The following MCC variants were observed in gnomAD, a reference collection of about 807,000 sequenced individuals.
MCC encodes colorectal mutant cancer protein.
In MCC, 90 loss-of-function variants were observed where a neutral mutation model predicts 116.2. The ratio of observed to expected loss-of-function variants is 0.77; its 90% CI spans 0.65 to 0.92. MCC has a LOEUF of 0.92. MCC is among the 40% of genes least tolerant of loss of function. The probability of loss-of-function intolerance (pLI) is 0.00; values close to 1 mark genes in which losing one functional copy is unlikely to be tolerated. For synonymous variants in MCC, 578 were observed against 510.5 expected (o/e 1.13, Z -1.78); for missense variants, 1,516 against 1,312.2 (o/e 1.16, Z -2.40).
intron 1 of MCC, among the ~76,000 whole-genome samples, chr5:113,465,445 A>G (rs944402600): frequency 2.6e-5 from 4 of 152,144 alleles, no homozygotes; most frequent in Non-Finnish European, 5.9e-5. Flanking sequence ...AATAATGTCA[A>G]TATTTATCTA....
At chr5:113,263,873 G>C (rs538257694) in intron 3 of MCC, among the ~76,000 whole-genome samples, 4 of 149,032 alleles carry the variant, frequency 2.7e-5, no homozygotes, top group Non-Finnish European at 5.9e-5. Flanking sequence ...TAACTGAAGG[G>C]AATAAAAAAG....
chr5:113,082,064 C>T (rs1754895879), intron 11 of MCC, among the ~76,000 whole-genome samples: 1 of 152,244 alleles, frequency 6.6e-6, no homozygotes, highest in Non-Finnish European at 1.5e-5. Flanking sequence ...CAAGTGGTTT[C>T]CATGGTTTTG....
At chr5:113,189,110 A>C (rs1762033881) in intron 3 of MCC, among the ~76,000 whole-genome samples, 2 of 152,138 alleles carry the variant, frequency 1.3e-5, no homozygotes, top group African/African-American at 2.4e-5. Flanking sequence ...GAACCGAGAC[A>C]ACCTCAGACT....
chr5:113,072,800 T>C (rs1306140284), intron 11 of MCC, among the ~76,000 whole-genome samples: 1 of 152,216 alleles, frequency 6.6e-6, no homozygotes, highest in Non-Finnish European at 1.5e-5. Context: ...GGCTCACAAC[T>C]TTCTCTAGCC....
chr5:113,393,861 G>A lies in MCC; in HGVS notation c.171-8649C>T, dbSNP rs541688025. 1.3e-4 allele frequency among the ~76,000 whole-genome samples: 20 copies of A among 152,202 alleles called. No individual in the cohort carries two copies. In the South Asian group the frequency reaches 3.9e-3, roughly 30 times the overall value. On this transcript the variant is annotated intron_variant, in intron 1 of 18. Coordinates refer to ENST00000408903, the MANE Select transcript of MCC (RefSeq NM_001085377.2). Reference sequence around the variant, plus strand: ...TGGTTTCTCCCATCTCTGTATGAAAGGTCCATATCAGAATTCTTGTCCTTA... The same window carrying A: ...TGGTTTCTCCCATCTCTGTATGAAAAGTCCATATCAGAATTCTTGTCCTTA...
rs148479248 is a variant in MCC, at chr5:113,196,566, C to T, written c.628-45144G>A. 8.5e-5 allele frequency among the ~76,000 whole-genome samples: 13 copies of T among 152,266 alleles called. No individual in the cohort carries two copies. In the South Asian group the frequency reaches 2.7e-3, roughly 32 times the overall value. ...CTTACCAATGTTAATTTAAAAAATA[C>T]TCGGTCGGGCGCAGTGGCTCACGCC... On this transcript the variant is annotated intron_variant, in intron 3 of 18. Coordinates refer to ENST00000408903, the MANE Select transcript of MCC (RefSeq NM_001085377.2).
chr5:113,284,211 G>A (rs1037510063), intron 3 of MCC, among the ~76,000 whole-genome samples: 11 of 152,198 alleles, frequency 7.2e-5, no homozygotes, highest in Non-Finnish European at 7.3e-5. Flanking sequence ...GTAGCCGGAT[G>A]TCTTGGCATG....
chr5:113,097,580 T>A (rs1322314894), intron 8 of MCC, among the ~76,000 whole-genome samples: 6 of 152,204 alleles, frequency 3.9e-5, no homozygotes, highest in Admixed American at 3.9e-4. Flanking sequence ...ATTTTCTCTA[T>A]ATAGCCCTGT....
chr5:113,375,706 T>TA (rs543128836), intron 2 of MCC, among the ~76,000 whole-genome samples: 161 of 152,286 alleles, frequency 1.1e-3, no homozygotes, highest in African/African-American at 3.6e-3. Flanking sequence ...CAACTTTTGT[T>TA]AGTCTAGTCC....
intron 3 of MCC, among the ~76,000 whole-genome samples, chr5:113,313,523 G>C (rs1767190493): frequency 6.6e-6 from 1 of 152,148 alleles, no homozygotes; most frequent in Non-Finnish European, 1.5e-5. Context: ...GAGGGTTGGA[G>C]ATATGATGGC....
chr5:113,344,424 A>C lies in MCC; in HGVS notation c.416-3694T>G, dbSNP rs527685036. Among the ~76,000 whole-genome samples the C allele has an allele frequency of 3.3e-5, 5 of 152,224 alleles. No homozygotes were observed. The East Asian group carries it at 9.7e-4, about 29-fold the overall frequency. ...GGGCTGGGCTTAGGTGGACTAGGGC[A>C]GCATATGACCTGTGAGACATCACCC... On this transcript the variant is annotated intron_variant, in intron 2 of 18. Coordinates refer to ENST00000408903, the MANE Select transcript of MCC (RefSeq NM_001085377.2).
intron 3 of MCC, among the ~76,000 whole-genome samples, chr5:113,325,668 G>C (rs1413040008): frequency 1.3e-5 from 2 of 151,930 alleles, no homozygotes; most frequent in South Asian, 4.2e-4. Flanking sequence ...AAGTATTGTA[G>C]CATATGGTGC....
intron 1 of MCC, among the ~76,000 whole-genome samples, chr5:113,456,623 ATTTTTTTTTTTTTT>A (rs34111159): frequency 1.2e-4 from 6 of 51,074 alleles, no homozygotes; most frequent in Admixed American, 3.4e-4. Flanking sequence ...TGCCCAGCTA[ATTTTTTTTTTTTTT>A]TTTTTTTTTT....
chr5:113,393,307 T>A (rs941904174), intron 1 of MCC, among the ~76,000 whole-genome samples: 14 of 152,308 alleles, frequency 9.2e-5, no homozygotes, highest in African/African-American at 3.1e-4. Flanking sequence ...TCTCTTAATT[T>A]AAAAATCTAA....
intron 1 of MCC, among the ~76,000 whole-genome samples, chr5:113,386,127 T>C (rs1028827160): frequency 6.6e-6 from 1 of 152,168 alleles, no homozygotes; most frequent in African/African-American, 2.4e-5. Context: ...TTCCTCCAAC[T>C]GCAGGTTTCA....
chr5:113,131,697 C>T (rs1328696272), intron 5 of MCC, among the ~76,000 whole-genome samples: 7 of 152,100 alleles, frequency 4.6e-5, no homozygotes, highest in African/African-American at 1.7e-4. Context: ...ACTGACTTTG[C>T]ACCACCACAG....
chr5:113,422,088 C>G (rs1770351613), intron 1 of MCC, among the ~76,000 whole-genome samples: 1 of 152,154 alleles, frequency 6.6e-6, no homozygotes, highest in Non-Finnish European at 1.5e-5. Context: ...TCAGTCAGTG[C>G]TGTGTTGGTG....
intron 16 of MCC, among the ~76,000 whole-genome samples, chr5:113,045,463 G>A (rs1752005952): frequency 6.6e-6 from 1 of 152,226 alleles, no homozygotes; most frequent in South Asian, 2.1e-4. Context: ...TTCTGTGACA[G>A]GTAGAAATTA....
intron 3 of MCC, among the ~76,000 whole-genome samples, chr5:113,176,986 G>A (rs1235242387): frequency 6.6e-6 from 1 of 152,186 alleles, no homozygotes; most frequent in Non-Finnish European, 1.5e-5. Context: ...GTGCATGTCT[G>A]ATGACATCAT....
Sources: gnomAD v4.1 joint callset for allele counts (sites outside exome capture counted in the v4.1 genomes callset) on GRCh38, gnomAD v4.1.1 for gene constraint, MANE v1.5 for transcripts, NCBI Gene and HGNC (gene_info 2026-07-23, HGNC 2026-07-21) for gene names.